Variants in TNNI3K observed in about 807,000 individuals in gnomAD.
TNNI3K encodes the protein serine/threonine-protein kinase TNNI3K.
A neutral mutation model predicts 114.5 loss-of-function variants in TNNI3K; 140 were observed. The observed-to-expected ratio is 1.22, with a 90% CI of 1.07 to 1.41. The LOEUF (loss-of-function observed/expected upper bound fraction) is 1.41. Among genes scored for constraint, TNNI3K ranks in the 40% most tolerant of loss-of-function variants. The probability of loss-of-function intolerance (pLI) is 0.00; values close to 1 mark genes in which losing one functional copy is unlikely to be tolerated. For missense variants in TNNI3K, 1,125 were observed against 1,007.6 expected (o/e 1.12, Z -1.58); for synonymous variants, 347 against 347.5 (o/e 1.00, Z 0.02).
At chr1:74,239,813 C>A (rs1654074314) in intron 2 of TNNI3K, 2 of 392,052 alleles carry the variant, frequency 5.1e-6, no homozygotes, top group Admixed American at 6.3e-5. Flanking sequence ...ACAGAAAGAG[C>A]TAAATAGTTA....
chr1:74,499,997 T>C (rs1361188913), intron 23 of TNNI3K, among the ~76,000 whole-genome samples: 1 of 151,994 alleles, frequency 6.6e-6, no homozygotes, highest in Non-Finnish European at 1.5e-5. Flanking sequence ...CCTTTGATTA[T>C]TTGAATATGA....
intron 17 of TNNI3K, among the ~76,000 whole-genome samples, chr1:74,403,778 T>A (rs191200673): frequency 1.3e-5 from 2 of 152,142 alleles, no homozygotes; most frequent in African/African-American, 4.8e-5. Flanking sequence ...TGTTAAGAAT[T>A]CTTGTACATA....
intron 5 of TNNI3K, among the ~76,000 whole-genome samples, chr1:74,305,325 G>T (rs934944289): frequency 3.9e-5 from 6 of 152,152 alleles, no homozygotes; most frequent in African/African-American, 1.4e-4. Flanking sequence ...CAGACATTAG[G>T]ATCAGGAGGT....
At chr1:74,360,332 G>T (rs996231719) in intron 11 of TNNI3K, among the ~76,000 whole-genome samples, 13 of 151,854 alleles carry the variant, frequency 8.6e-5, no homozygotes, top group African/African-American at 2.7e-4. Flanking sequence ...AACACACAGA[G>T]ACTTTATTGT....
intron 5 of TNNI3K, among the ~76,000 whole-genome samples, chr1:74,322,755 T>C (rs1057173838): frequency 5.3e-5 from 8 of 152,078 alleles, no homozygotes; most frequent in Admixed American, 1.3e-4. Context: ...TGCTGGGCGA[T>C]TCTACCATCT....
chr1:74,450,516 C>T (rs185200414), intron 20 of TNNI3K, among the ~76,000 whole-genome samples: 18 of 152,134 alleles, frequency 1.2e-4, no homozygotes, highest in Admixed American at 8.5e-4. Flanking sequence ...TGAAAAAGGT[C>T]TAATACCCAC....
chr1:74,397,912 A>G (rs1464172190), intron 17 of TNNI3K, among the ~76,000 whole-genome samples: 1 of 152,266 alleles, frequency 6.6e-6, no homozygotes, highest in African/African-American at 2.4e-5. Context: ...GGCGCTATAT[A>G]TAGTGATTCC....
intron 20 of TNNI3K, among the ~76,000 whole-genome samples, chr1:74,441,010 A>G (rs1376792511): frequency 6.6e-6 from 1 of 152,086 alleles, no homozygotes; most frequent in Non-Finnish European, 1.5e-5. Context: ...TCTACCACTT[A>G]CCATCATCCA....
At chr1:74,365,124 C>T (rs1662201898) in intron 11 of TNNI3K, among the ~76,000 whole-genome samples, 1 of 152,070 alleles carries the variant, frequency 6.6e-6, no homozygotes, top group East Asian at 1.9e-4. Flanking sequence ...AAAATGCACA[C>T]TGATGTGTTA....
chr1:74,402,834 C>A (rs1257015125), intron 17 of TNNI3K, among the ~76,000 whole-genome samples: 2 of 152,188 alleles, frequency 1.3e-5, no homozygotes, highest in African/African-American at 4.8e-5. Context: ...TGTGGCCTAA[C>A]ACAAATGTGT....
rs190178109 is a variant in TNNI3K at position 74,325,813 on chromosome 1, A to G, written c.445-5637A>G. Among the ~76,000 whole-genome samples, 313 of 152,316 alleles carry G rather than the reference A, an allele frequency of 2.1e-3. 3 individuals carry two copies. The Middle Eastern group carries it at 0.031, about 15-fold the overall frequency. The stretch of plus-strand genomic sequence containing the variant: ...CTGGTTATTGAATGTCAGAACTGAA[A>G]ATAACTGGAAAAAATATCAATCCTA... On this transcript the variant is annotated intron_variant, in intron 5 of 24. Transcript: ENST00000326637.
At chr1:74,414,567 A>C (rs2100619382) in intron 17 of TNNI3K, among the ~76,000 whole-genome samples, 1 of 152,306 alleles carries the variant, frequency 6.6e-6, no homozygotes, top group African/African-American at 2.4e-5. Context: ...AATTGAACTT[A>C]GTTTAAAAAT....
At chr1:74,512,971 G>A (rs1281001809) in intron 23 of TNNI3K, among the ~76,000 whole-genome samples, 2 of 152,142 alleles carry the variant, frequency 1.3e-5, no homozygotes, top group African/African-American at 4.8e-5. Context: ...AACTATAGAC[G>A]ACTTTTGCCC....
rs947021969 is a variant in TNNI3K at position 74,240,093 on chromosome 1, C to A, written c.149+3883C>A. ...CCTCTAATCTTTATCAACATAACAG[C>A]ACTTACTACATGGTGTTGTTTTTAT... On this transcript the variant is annotated intron_variant, in intron 2 of 24. Coordinates refer to ENST00000326637, the MANE Select transcript of TNNI3K (RefSeq NM_015978.3). 2.2e-5 allele frequency: 8 copies of A among 355,682 alleles called. No individual in the cohort carries two copies. In the Admixed American group the frequency reaches 2.8e-4, roughly 12 times the overall value. 22.0% of individuals were successfully genotyped at this position (355,682 alleles called of 1,614,324 possible).
At chr1:74,526,073 T>C (rs1373998480) in intron 23 of TNNI3K, among the ~76,000 whole-genome samples, 3 of 152,242 alleles carry the variant, frequency 2.0e-5, no homozygotes, top group African/African-American at 7.2e-5. Context: ...ACAGTGCTTG[T>C]AATTTTGTAA....
At chr1:74,317,258 C>T (rs1018323671) in intron 5 of TNNI3K, among the ~76,000 whole-genome samples, 2 of 152,164 alleles carry the variant, frequency 1.3e-5, no homozygotes, top group Non-Finnish European at 2.9e-5. Flanking sequence ...ACTTGGCTTA[C>T]AACCTGAGAA....
intron 20 of TNNI3K, among the ~76,000 whole-genome samples, chr1:74,462,032 A>G (rs1667474489): frequency 6.6e-6 from 1 of 152,242 alleles, no homozygotes; most frequent in African/African-American, 2.4e-5. Context: ...GTATATTGAC[A>G]TAAGGTCAAT....
At chr1:74,432,697 T>C (rs1665953198) in intron 17 of TNNI3K, among the ~76,000 whole-genome samples, 1 of 152,078 alleles carries the variant, frequency 6.6e-6, no homozygotes, top group African/African-American at 2.4e-5. Flanking sequence ...TCAGTCTCAT[T>C]ACCTTACAGT....
intron 5 of TNNI3K, among the ~76,000 whole-genome samples, chr1:74,279,798 A>C (rs1386602849): frequency 6.6e-6 from 1 of 152,200 alleles, no homozygotes; most frequent in Non-Finnish European, 1.5e-5. Context: ...AATGTATGTT[A>C]TCTCTCTTTT....
Sources: gnomAD v4.1 joint callset for allele counts (sites outside exome capture counted in the v4.1 genomes callset) on GRCh38, gnomAD v4.1.1 for gene constraint, MANE v1.5 for transcripts, NCBI Gene and HGNC (gene_info 2026-07-23, HGNC 2026-07-21) for gene names.